NRXN1: variants seen among roughly 807,000 people sequenced by gnomAD.
NRXN1 encodes the protein neurexin-1.
In NRXN1, 39 loss-of-function variants were observed where a neutral mutation model predicts 150.9. The observed-to-expected ratio is 0.26, with a 90% confidence interval of 0.20 to 0.34. The LOEUF (loss-of-function observed/expected upper bound fraction) is 0.34. NRXN1 is among the 10% of genes least tolerant of loss of function. The pLI, the probability that NRXN1 is intolerant of heterozygous loss-of-function variation, is 1.00. For missense variants in NRXN1, 1,815 were observed against 1,949.9 expected (o/e 0.93, Z 1.30); for synonymous variants, 924 against 757.0 (o/e 1.22, Z -3.62).
intron 5 of NRXN1, chr2:50,917,057 G>C (rs979263795): frequency 6.6e-6 from 1 of 151,596 alleles, no homozygotes; most frequent in East Asian, 2.0e-4. Context: ...ATATTATAAG[G>C]TGAAACTCCG....
At chr2:50,120,601 A>T (rs1007574764) in intron 18 of NRXN1, among the ~76,000 whole-genome samples, 9 of 152,200 alleles carry the variant, frequency 5.9e-5, no homozygotes, top group South Asian at 2.1e-4. Context: ...ACAGTCTTAG[A>T]TTGTTGTTTA....
chr2:50,429,637 C>T (rs528147247), intron 17 of NRXN1, among the ~76,000 whole-genome samples: 22 of 152,188 alleles, frequency 1.4e-4, no homozygotes, highest in African/African-American at 5.3e-4. Context: ...CACACAAAAT[C>T]TTTCTAGGAA....
chr2:50,236,750 TA>T, intron 18 of NRXN1, 38 bp downstream of exon 18: 3 of 1,597,722 alleles, frequency 1.9e-6, no homozygotes, highest in African/African-American at 1.3e-5. Flanking sequence ...AAGTTAACAG[TA>T]AAAAGTAAAA....
chr2:50,277,316 C>T (rs1017181530), intron 17 of NRXN1, among the ~76,000 whole-genome samples: 2 of 149,470 alleles, frequency 1.3e-5, no homozygotes, highest in Admixed American at 1.3e-4. Flanking sequence ...TACTCTGCTG[C>T]TTGCTGGCTT....
At chr2:50,433,775 A>G (rs1234424164) in intron 17 of NRXN1, among the ~76,000 whole-genome samples, 1 of 151,726 alleles carries the variant, frequency 6.6e-6, no homozygotes, top group African/African-American at 2.4e-5. Context: ...GGAGAGGGGA[A>G]AGGAAAGAAA....
intron 17 of NRXN1, among the ~76,000 whole-genome samples, chr2:50,321,421 C>T (rs1314036624): frequency 2.0e-5 from 3 of 152,010 alleles, no homozygotes; most frequent in Non-Finnish European, 2.9e-5. Flanking sequence ...AACTGCAGTT[C>T]GTGTCTAAGA....
chr2:50,470,619 C>G (rs1334956053), intron 16 of NRXN1, among the ~76,000 whole-genome samples: 1 of 151,698 alleles, frequency 6.6e-6, no homozygotes, highest in African/African-American at 2.4e-5. Flanking sequence ...ACCTGGGGGA[C>G]AGGAATTCAA....
intron 5 of NRXN1, among the ~76,000 whole-genome samples, chr2:50,785,475 C>T (rs1704983703): frequency 6.6e-6 from 1 of 151,994 alleles, no homozygotes; most frequent in Non-Finnish European, 1.5e-5. Context: ...GTCTTGATTC[C>T]CTGACCTCAT....
intron 8 of NRXN1, among the ~76,000 whole-genome samples, chr2:50,611,143 G>GCGC (rs1678050741): frequency 6.6e-6 from 1 of 150,874 alleles, no homozygotes; most frequent in Admixed American, 6.6e-5. Context: ...GCTCTGGTAG[G>GCGC]TGCTGAAATT....
At chr2:49,932,386 A>C (rs1298834173) in intron 22 of NRXN1, among the ~76,000 whole-genome samples, 4 of 152,088 alleles carry the variant, frequency 2.6e-5, no homozygotes, top group Non-Finnish European at 5.9e-5. Context: ...GCAGCACTAC[A>C]CTCCTGCTGG....
chr2:50,112,048 T>G (rs1175672604), intron 18 of NRXN1, among the ~76,000 whole-genome samples: 1 of 152,080 alleles, frequency 6.6e-6, no homozygotes, highest in Non-Finnish European at 1.5e-5. Flanking sequence ...ATAGCTGCAC[T>G]CACTAGTTGA....
chr2:50,347,842 CA>C lies in NRXN1; in HGVS notation c.3365-110873del. ...ACAGCAAATCACTGAAGCTCGGATGCAATGCAGAGGACGAGCCTATGTAACG... is the reference window on the plus strand; with the variant it reads ...ACAGCAAATCACTGAAGCTCGGATGCATGCAGAGGACGAGCCTATGTAACG... On this transcript the variant is annotated intron_variant, in intron 17 of 22. Transcript: ENST00000401669. The surrounding 1 kb of genome is among the most constrained non-coding windows in gnomAD (Gnocchi z 4.9). 1.0e-6 allele frequency: 1 copy of C among 985,572 alleles called. No homozygotes were observed. The highest frequency in any genetic ancestry group is 1.2e-6 in the Non-Finnish European group (1 of 830,038). The allele number at this position is 985,572 out of a possible 1,614,324, so 61.1% of individuals were successfully genotyped here.
At chr2:50,478,628 TTTTTG>T (rs2090190491) in intron 15 of NRXN1, among the ~76,000 whole-genome samples, 1 of 152,202 alleles carries the variant, frequency 6.6e-6, no homozygotes, top group Admixed American at 6.5e-5. Flanking sequence ...CAACAATCTA[TTTTTG>T]CTTCTGTAGG....
At chr2:50,532,661 G>T (rs2093148956) in intron 10 of NRXN1, among the ~76,000 whole-genome samples, 1 of 152,086 alleles carries the variant, frequency 6.6e-6, no homozygotes, top group African/African-American at 2.4e-5. Flanking sequence ...TAAGCATGGG[G>T]GTGGGACTGG....
intron 15 of NRXN1, among the ~76,000 whole-genome samples, chr2:50,484,763 G>A (rs1012282613): frequency 1.3e-5 from 2 of 152,214 alleles, no homozygotes; most frequent in African/African-American, 4.8e-5. Context: ...GGGGAGAGAA[G>A]AGCATATAGA....
intron 17 of NRXN1, among the ~76,000 whole-genome samples, chr2:50,429,504 AC>A (rs1315141504): frequency 6.6e-6 from 1 of 152,066 alleles, no homozygotes; most frequent in Non-Finnish European, 1.5e-5. Flanking sequence ...TGATCCACCC[AC>A]CTTTGCCTCC....
At chr2:50,253,297 T>G (rs1257939866) in intron 17 of NRXN1, among the ~76,000 whole-genome samples, 1 of 152,194 alleles carries the variant, frequency 6.6e-6, no homozygotes, top group Non-Finnish European at 1.5e-5. Context: ...TTTATCAGCT[T>G]AAGAAGATTT....
In NRXN1 at chr2:50,620,199, C is replaced by A. The variant is rs1229261827; in HGVS notation, c.1159-16G>T. ...ATATTGTCACCTAGATAACAAAGCACAGGGAAAGGACACGCTATACTCAGA... is the reference window on the plus strand; with the variant it reads ...ATATTGTCACCTAGATAACAAAGCAAAGGGAAAGGACACGCTATACTCAGA... On this transcript the variant is annotated splice_polypyrimidine_tract_variant and intron_variant, in intron 7 of 22. Transcript: ENST00000401669. The A allele has an allele frequency of 1.2e-6, 2 of 1,612,640 alleles. No homozygotes were observed.
At chr2:50,393,586 C>G (rs1163572933) in intron 17 of NRXN1, among the ~76,000 whole-genome samples, 1 of 152,034 alleles carries the variant, frequency 6.6e-6, no homozygotes, top group Non-Finnish European at 1.5e-5. Context: ...TTTTTGAAAA[C>G]TTGAGATAGA....
Sources: allele counts gnomAD v4.1 joint callset (sites outside exome capture counted in the v4.1 genomes callset), GRCh38; gene constraint gnomAD v4.1.1; non-coding constraint Gnocchi (gnomAD v3.1); transcripts MANE v1.5; gene names NCBI Gene and HGNC (gene_info 2026-07-23, HGNC 2026-07-21).